The following CUL9 variants were observed in gnomAD, a reference collection of about 807,000 sequenced individuals.
CUL9 encodes the protein cullin-9.
Under a neutral mutation model 272.6 loss-of-function variants are expected in CUL9, and 79 were observed. The observed-to-expected ratio is 0.29, with a 90% CI of 0.24 to 0.35. CUL9 has a LOEUF of 0.35. Among genes scored for constraint, CUL9 ranks in the 10% least tolerant of loss-of-function variants. The pLI, the probability that CUL9 is intolerant of heterozygous loss-of-function variation, is 1.00. For missense variants in CUL9, 2,532 were observed against 3,255.6 expected (o/e 0.78, Z 5.41); for synonymous variants, 1,186 against 1,286.5 (o/e 0.92, Z 1.67).
intron 7 of CUL9, 92 bp from the exon 8 acceptor site, chr6:43,188,431 A>G (rs1773121121): frequency 1.6e-6 from 2 of 1,248,654 alleles, no homozygotes; most frequent in Non-Finnish European, 2.2e-6. Context: ...ATGTGTTTAA[A>G]TATTGGTAGG....
rs1776369769 is a variant in CUL9 at position 43,221,574 on chromosome 6, A to C, written c.6753-111A>C. ...GCTGGGTATGACTAAGGAGACTATC[A>C]GGGCAGGAGCAGAGGCCACAGCATC... On this transcript the variant is annotated intron_variant, in intron 34 of 40. Coordinates refer to ENST00000252050, the MANE Select transcript of CUL9 (RefSeq NM_015089.4). This position sits in a 1 kb window ranked among gnomAD's most constrained non-coding sequence, Gnocchi z 4.2. The C allele has an allele frequency of 9.7e-7, 1 of 1,031,270 alleles. No homozygotes were observed. The highest frequency in any genetic ancestry group is 1.6e-5 in the African/African-American group (1 of 63,020). The allele number at this position is 1,031,270 out of a possible 1,614,324, so 63.9% of individuals were successfully genotyped here. A position where few individuals can be genotyped will look rare whatever the true frequency, so the allele number is the denominator to read the frequency against.
At chr6:43,216,729 G>A (rs1339084291) in intron 31 of CUL9, among the ~76,000 whole-genome samples, 1 of 152,192 alleles carries the variant, frequency 6.6e-6, no homozygotes, top group Non-Finnish European at 1.5e-5. Context: ...TATACCAATG[G>A]TGCTCCAGCT....
In CUL9 at chr6:43,192,240, A is replaced by G. The variant is rs1160425184; in HGVS notation, c.2181-761A>G. ...CTATGCCAGATAATTTTTTGTAGAGATGGGGTTTTGCCATGTTGCCCATGG... is the reference window on the plus strand; with the variant it reads ...CTATGCCAGATAATTTTTTGTAGAGGTGGGGTTTTGCCATGTTGCCCATGG... On this transcript the variant is annotated intron_variant, in intron 8 of 40. Transcript: ENST00000252050. Among the ~76,000 whole-genome samples, 6 of 151,474 alleles carry G rather than the reference A, an allele frequency of 4.0e-5. No individual in the cohort carries two copies. In the East Asian group the frequency reaches 5.9e-4, roughly 15 times the overall value.
rs1273543068 is a variant in CUL9 at position 43,203,895 on chromosome 6, G to T, written c.4067G>T (p.Arg1356Leu). The change falls in exon 20 of 41, where the codon CGC (arginine) becomes CTC (leucine). Residue 1356 changes from arginine (R) to leucine (L), a missense_variant. Physicochemically the swap from Arg to Leu is moderately radical, Grantham distance 102. Coordinates refer to ENST00000252050, the MANE Select transcript of CUL9 (RefSeq NM_015089.4). The surrounding 1 kb of genome is among the most constrained non-coding windows in gnomAD (Gnocchi z 5.0). ...VLRHEQNFAD[R>L]FLPDDEAAQA... ...CGCCACGAGCAGAATTTTGCTGACC[G>T]CTTCCTCCCTGATGATGAGGCCGCC... The T allele has an allele frequency of 1.2e-6, 2 of 1,613,456 alleles. No individual in the cohort carries two copies. The highest frequency in any genetic ancestry group is 1.7e-6 in the Non-Finnish European group (2 of 1,179,554).
chr6:43,202,591 C>A, intron 16 of CUL9, 125 bp from the exon 17 acceptor site: 1 of 760,552 alleles, frequency 1.3e-6, no homozygotes, highest in African/African-American at 1.7e-5. Context: ...GCAGTGTTGC[C>A]CAGGTTGATC....
intron 31 of CUL9, among the ~76,000 whole-genome samples, chr6:43,216,972 G>A (rs1162540399): frequency 6.6e-6 from 1 of 152,192 alleles, no homozygotes; most frequent in Non-Finnish European, 1.5e-5. Flanking sequence ...GATGACTCTA[G>A]TTTGTGGTTG....
intron 26 of CUL9, among the ~76,000 whole-genome samples, chr6:43,210,676 AC>A (rs1296346215): frequency 6.6e-6 from 1 of 152,138 alleles, no homozygotes; most frequent in African/African-American, 2.4e-5. Context: ...GTTCAACCTG[AC>A]AATCTCTTTT....
Position 43,196,870 on chromosome 6 carries a change from T to C in CUL9, c.2803+8T>C. On this transcript the variant is annotated splice_region_variant and intron_variant, in intron 11 of 40. Transcript: ENST00000252050. Reference sequence around the variant, plus strand: ...GCAGCCCTGAGCGTGCAGGTACCATTGTGGAGGGGTGGTTTTGCAGAGGAA... The same window carrying C: ...GCAGCCCTGAGCGTGCAGGTACCATCGTGGAGGGGTGGTTTTGCAGAGGAA... 1 of 1,611,438 alleles carries C rather than the reference T, an allele frequency of 6.2e-7. No homozygotes were observed. Among genetic ancestry groups the C allele is most frequent in the Non-Finnish European group, 8.5e-7 (1 of 1,178,108 alleles).
At position 43,198,760 on chromosome 6, in the gene CUL9, C is replaced by A; in HGVS notation, c.2955C>A (p.Leu985=). ...GSPGGAVRPL[L]KRLQQETQPF... is the part of the protein sequence containing the mutation. ...CCGGAGGTGCCGTGAGGCCCCTCCT[C>A]AAGCGCCTCCAGCAGGAGACCCAGC... Residue 985 remains leucine, a synonymous_variant, in exon 12 of 41, where the codon CTC becomes CTA. Transcript: ENST00000252050. The A allele has an allele frequency of 1.2e-6, 2 of 1,614,056 alleles. No individual in the cohort carries two copies. The highest frequency in any genetic ancestry group is 2.2e-5 in the East Asian group (1 of 44,868).
At chr6:43,198,290 C>T (rs1238342380) in intron 11 of CUL9, 2 of 983,324 alleles carry the variant, frequency 2.0e-6, no homozygotes, top group Admixed American at 6.2e-5. Context: ...CCTAAAGCCA[C>T]CATGCAGGTA....
At position 43,220,455 on chromosome 6, in the gene CUL9, C is replaced by T. The variant is rs780059133; in HGVS notation, c.6283-4C>T. 1 of 1,614,028 alleles carries T rather than the reference C, an allele frequency of 6.2e-7. No homozygotes were observed. ...TGAGCAGCCCCTCCTTTTGTCCCTC[C>T]CAGTCTTGCTGGAATGAGTACCTGA... On this transcript the variant is annotated splice_polypyrimidine_tract_variant and splice_region_variant and intron_variant, in intron 31 of 40. Coordinates refer to ENST00000252050, the MANE Select transcript of CUL9 (RefSeq NM_015089.4). The surrounding 1 kb of genome is among the most constrained non-coding windows in gnomAD (Gnocchi z 4.9).
chr6:43,187,730 C>T lies in CUL9; in HGVS notation c.1599C>T (p.Ala533=), dbSNP rs1355459299. The change falls in exon 7 of 41, where the codon GCC becomes GCT. Residue 533 remains alanine, a synonymous_variant. Coordinates refer to ENST00000252050, the MANE Select transcript of CUL9 (RefSeq NM_015089.4). ...KNLDETLGEK[A]LGEISVSVEM... is the part of the protein sequence containing the mutation. The stretch of plus-strand genomic sequence containing the variant: ...GTTGACAGACCCTGGGTGAAAAGGC[C>T]CTAGGTGAGATCTCTGTGTCCGTGG... 6.2e-7 allele frequency: 1 copy of T among 1,612,440 alleles called. No homozygotes were observed. The highest frequency in any genetic ancestry group is 8.5e-7 in the Non-Finnish European group (1 of 1,179,904).
In CUL9 at chr6:43,188,031, A is replaced by G. The variant is rs745757434; in HGVS notation, c.1900A>G (p.Met634Val). The G allele has an allele frequency of 3.3e-5, 53 of 1,613,716 alleles. No individual in the cohort carries two copies. Among genetic ancestry groups the G allele is most frequent in the African/African-American group, 2.7e-4 (20 of 74,854 alleles). ...CACCAAGACAAGGACCGAGACCCCC[A>G]TGGCACAGAGTGATTCTCAGCTGTT... ...EPTKTRTETP[M>V]AQSDSQLFNQ... Residue 634 changes from methionine to valine, a missense_variant, in exon 7 of 41, where the codon ATG becomes GTG. Physicochemically the swap from Met to Val is conservative, Grantham distance 21. Transcript: ENST00000252050.
intron 8 of CUL9, among the ~76,000 whole-genome samples, chr6:43,189,283 G>A (rs1172821165): frequency 2.6e-5 from 4 of 151,942 alleles, no homozygotes; most frequent in South Asian, 2.1e-4. Flanking sequence ...TCTGCCTCCC[G>A]GGTTCAAGGG....
chr6:43,197,965 G>C (rs997830052), intron 11 of CUL9, among the ~76,000 whole-genome samples: 1 of 152,232 alleles, frequency 6.6e-6, no homozygotes, highest in Non-Finnish European at 1.5e-5. Flanking sequence ...ACGTGGCCAG[G>C]TGCAATAGCT....
chr6:43,223,495 A>C lies in CUL9; in HGVS notation c.7284+98A>C. The C allele has an allele frequency of 1.4e-6, 2 of 1,447,786 alleles. No individual in the cohort carries two copies. The highest frequency in any genetic ancestry group is 1.8e-6 in the Non-Finnish European group (2 of 1,086,546). 89.7% of individuals were successfully genotyped at this position (1,447,786 alleles called of 1,614,324 possible). On this transcript the variant is annotated intron_variant, in intron 39 of 40. Coordinates refer to ENST00000252050, the MANE Select transcript of CUL9 (RefSeq NM_015089.4). The surrounding 1 kb of genome is among the most constrained non-coding windows in gnomAD (Gnocchi z 4.1). ...CCTGCCCTGGGGCGAGTCCAGAAGGAAAGGCAGCAAAGCGGGTGAATGGAT... is the reference window on the plus strand; with the variant it reads ...CCTGCCCTGGGGCGAGTCCAGAAGGCAAGGCAGCAAAGCGGGTGAATGGAT...
At chr6:43,197,653 T>C (rs867477245) in intron 11 of CUL9, among the ~76,000 whole-genome samples, 12 of 151,932 alleles carry the variant, frequency 7.9e-5, no homozygotes, top group African/African-American at 2.9e-4. Context: ...CCAGCTAATT[T>C]TTGTATATTT....
At chr6:43,190,851 A>G (rs1042426028) in intron 8 of CUL9, among the ~76,000 whole-genome samples, 1 of 152,084 alleles carries the variant, frequency 6.6e-6, no homozygotes, top group Admixed American at 6.5e-5. Flanking sequence ...AAGAGTCAAT[A>G]CCTGCTATTT....
In CUL9 at chr6:43,220,898, G is replaced by A; in HGVS notation, c.6575G>A (p.Cys2192Tyr). The A allele has an allele frequency of 1.2e-6, 2 of 1,611,672 alleles. No homozygotes were observed. The highest frequency in any genetic ancestry group is 1.7e-6 in the Non-Finnish European group (2 of 1,179,006). ...SKCGWASCFN[C>Y]SFPEAHYPAS... ...TGTGGCTGGGCCTCTTGCTTCAACT[G>A]TAGCTTCCCTGAGGTGGGAGCCCCA... Residue 2192 changes from cysteine (C) to tyrosine (Y), a missense_variant, in exon 33 of 41, where the codon TGT becomes TAT. This residue lies in a region of CUL9 where 77 missense variants were observed against 161.1 expected (regional missense o/e 0.48). Coordinates refer to ENST00000252050, the MANE Select transcript of CUL9 (RefSeq NM_015089.4). This position sits in a 1 kb window ranked among gnomAD's most constrained non-coding sequence, Gnocchi z 4.9.
Sources: allele counts gnomAD v4.1 joint callset (sites outside exome capture counted in the v4.1 genomes callset), GRCh38; gene constraint gnomAD v4.1.1; regional missense constraint gnomAD v4.1.1; non-coding constraint Gnocchi (gnomAD v3.1); transcripts MANE v1.5; gene names NCBI Gene and HGNC (gene_info 2026-07-23, HGNC 2026-07-21).